LRTM1: variants seen among roughly 807,000 people sequenced by gnomAD.
The protein encoded by LRTM1 is leucine rich repeat transmembrane protein 1, also known as leucine-rich repeat and transmembrane domain-containing protein 1.
LRTM1 carries 38 observed loss-of-function variants against 32.4 expected under a neutral mutation model. The ratio of observed to expected loss-of-function variants is 1.17; its 90% CI spans 0.91 to 1.54. LRTM1 has a LOEUF of 1.54. LRTM1 is among the 40% of genes most tolerant of loss of function. LRTM1 has a pLI of 0.00. For synonymous variants in LRTM1, 186 were observed against 169.9 expected (o/e 1.09, Z -0.74); for missense variants, 466 against 415.4 (o/e 1.12, Z -1.06).
In LRTM1 at chr3:54,924,940, G is replaced by A. The variant is rs776384818; in HGVS notation, c.283C>T (p.His95Tyr). Reference sequence around the variant, plus strand: ...AAAACCTGCAAGTGCTGAAGCCCATGGAAAGCTCCAGGGGCCAGATTTGAA... The same window carrying A: ...AAAACCTGCAAGTGCTGAAGCCCATAGAAAGCTCCAGGGGCCAGATTTGAA... ...SLSNLAPGAF[H>Y]GLQHLQVLNL... The change falls in exon 2 of 3, where the codon CAT becomes TAT. Residue 95 changes from histidine to tyrosine, a missense_variant. Physicochemically the swap from His to Tyr is moderately conservative, Grantham distance 83. Coordinates refer to ENST00000273286, the MANE Select transcript of LRTM1 (RefSeq NM_020678.4). 2.5e-6 allele frequency: 4 copies of A among 1,612,066 alleles called. No individual in the cohort carries two copies. Among genetic ancestry groups the A allele is most frequent in the Non-Finnish European group, 2.5e-6 (3 of 1,178,196 alleles).
intron 1 of LRTM1, among the ~76,000 whole-genome samples, chr3:54,961,243 A>G (rs963897391): frequency 2.0e-5 from 3 of 152,200 alleles, no homozygotes; most frequent in Admixed American, 6.5e-5. Flanking sequence ...TGGAGGTGAG[A>G]CTGGATAAGA....
Position 54,918,317 on chromosome 3 carries a change from A to T in LRTM1, c.*142T>A. 1.3e-6 allele frequency: 1 copy of T among 744,926 alleles called. No individual in the cohort carries two copies. The highest frequency in any genetic ancestry group is 2.1e-6 in the Non-Finnish European group (1 of 479,898). The allele number at this position is 744,926 out of a possible 1,614,324, so 46.1% of individuals were successfully genotyped here. On this transcript the variant is annotated 3_prime_UTR_variant, in exon 3 of 3. Coordinates refer to ENST00000273286, the MANE Select transcript of LRTM1 (RefSeq NM_020678.4). ...CTCCCCAGAAATATTTTTTACAGAC[A>T]CATCTTTTTTTTTTCTTTTTTTTTT... is the stretch of plus-strand genomic sequence containing the variant.
At chr3:54,930,486 C>G (rs1479375894), upstream of LRTM1, among the ~76,000 whole-genome samples, 2 of 152,168 alleles carry the variant, frequency 1.3e-5, no homozygotes, top group Non-Finnish European at 2.9e-5. Flanking sequence ...GTCTATAAGG[C>G]CCAGCTGGGA....
intron 1 of LRTM1, 139 bp downstream of exon 1, chr3:54,927,766 A>G (rs1353862173): frequency 4.4e-6 from 4 of 919,138 alleles, no homozygotes; most frequent in African/African-American, 1.6e-5. Context: ...AAATCATTCC[A>G]TGCAGAGACA....
intron 1 of LRTM1, among the ~76,000 whole-genome samples, chr3:54,937,974 G>A (rs914102670): frequency 6.6e-6 from 1 of 152,228 alleles, no homozygotes; most frequent in Non-Finnish European, 1.5e-5. Flanking sequence ...CATAACCAGA[G>A]AAAAGCCCCT....
intron 1 of LRTM1, among the ~76,000 whole-genome samples, chr3:54,964,797 T>C (rs1166296907): frequency 6.6e-6 from 1 of 151,980 alleles, no homozygotes; most frequent in African/African-American, 2.4e-5. Flanking sequence ...TGCTTGTTTG[T>C]TGGGGGAGAG....
chr3:54,939,250 G>A (rs1317327366), intron 1 of LRTM1, among the ~76,000 whole-genome samples: 1 of 152,180 alleles, frequency 6.6e-6, no homozygotes, highest in South Asian at 2.1e-4. Flanking sequence ...CTCCAGGGTA[G>A]GAACTATTAT....
chr3:54,963,199 G>C (rs1702071240), intron 1 of LRTM1, among the ~76,000 whole-genome samples: 1 of 152,104 alleles, frequency 6.6e-6, no homozygotes, highest in South Asian at 2.1e-4. Flanking sequence ...GCAAGTCCAG[G>C]TTGTCTCACG....
chr3:54,943,240 T>C (rs1701522777), intron 1 of LRTM1, among the ~76,000 whole-genome samples: 1 of 151,954 alleles, frequency 6.6e-6, no homozygotes, highest in Non-Finnish European at 1.5e-5. Flanking sequence ...CAATGTTTTT[T>C]AAAAAAGAAA....
intron 1 of LRTM1, among the ~76,000 whole-genome samples, chr3:54,926,708 T>C (rs1271203184): frequency 6.6e-6 from 1 of 152,224 alleles, no homozygotes; most frequent in Non-Finnish European, 1.5e-5. Context: ...TATTCCATGG[T>C]GAGAGCATGC....
intron 1 of LRTM1, among the ~76,000 whole-genome samples, chr3:54,934,700 A>C (rs1480224137): frequency 6.6e-6 from 1 of 152,148 alleles, no homozygotes; most frequent in Non-Finnish European, 1.5e-5. Context: ...CCTGGTCTTC[A>C]AAGAGCTCAC....
chr3:54,933,790 A>G (rs927387415), intron 1 of LRTM1, among the ~76,000 whole-genome samples: 10 of 148,020 alleles, frequency 6.8e-5, no homozygotes, highest in Admixed American at 2.0e-4. Flanking sequence ...ACAAAGTCTC[A>G]CTCTGTCATC....
At chr3:54,963,846 T>G (rs1036151007) in intron 1 of LRTM1, among the ~76,000 whole-genome samples, 6 of 152,012 alleles carry the variant, frequency 3.9e-5, no homozygotes, top group Admixed American at 3.9e-4. Flanking sequence ...GAGAAAGGAA[T>G]GGAGGAAGGG....
Position 54,918,698 on chromosome 3 carries a change from C to A in LRTM1, c.799G>T (p.Glu267Ter), listed in dbSNP as rs754326677. 9 of 1,614,026 alleles carry A rather than the reference C, an allele frequency of 5.6e-6. No individual in the cohort carries two copies. The South Asian group carries it at 9.9e-5, about 18-fold the overall frequency. ...PPENHNAGERELLECELKPKP... is the reference protein window; with the variant it reads ...PPENHNAGER ...GGTTTGAGCTCGCACTCCAAGAGTTCTCGCTCCCCCGCGTTGTGGTTCTCA... is the reference window on the plus strand; with the variant it reads ...GGTTTGAGCTCGCACTCCAAGAGTTATCGCTCCCCCGCGTTGTGGTTCTCA... Residue 267 changes from glutamate (E) to a stop codon, truncating the protein, a stop_gained, in exon 3 of 3, where the codon GAA becomes TAA. Transcript: ENST00000273286. LOFTEE classifies it high-confidence loss of function.
chr3:54,927,896 A>T lies in LRTM1; in HGVS notation c.7+9T>A. On this transcript the variant is annotated intron_variant, in intron 1 of 2. Transcript: ENST00000273286. The stretch of plus-strand genomic sequence containing the variant: ...AGAACTTTTCCAACGGGAATTGATC[A>T]GGGCTCACCTTTCATGACTGAGTCT... 1 of 1,613,658 alleles carries T rather than the reference A, an allele frequency of 6.2e-7. No homozygotes were observed. The highest frequency in any genetic ancestry group is 8.5e-7 in the Non-Finnish European group (1 of 1,179,668).
intron 1 of LRTM1, among the ~76,000 whole-genome samples, chr3:54,956,383 T>G (rs1209849409): frequency 6.6e-6 from 1 of 152,228 alleles, no homozygotes; most frequent in Admixed American, 6.5e-5. Context: ...GGGGACAATT[T>G]TGCTGTGTCA....
At chr3:54,948,197 A>G (rs908499) in intron 1 of LRTM1, among the ~76,000 whole-genome samples, 102,404 of 152,000 alleles carry the variant, frequency 0.67, 34,911 homozygotes, top group East Asian at 0.85. Context: ...TCTTGACTAG[A>G]GAGTGAGATA....
At chr3:54,929,633 A>G (rs535794969), upstream of LRTM1, among the ~76,000 whole-genome samples, 6 of 152,184 alleles carry the variant, frequency 3.9e-5, no homozygotes, top group South Asian at 8.3e-4. Flanking sequence ...CTTCTCTCCA[A>G]CATTTTTTTG....
At chr3:54,963,261 TCTA>T (rs1406063119) in intron 1 of LRTM1, among the ~76,000 whole-genome samples, 2 of 152,170 alleles carry the variant, frequency 1.3e-5, no homozygotes, top group Admixed American at 6.5e-5. Flanking sequence ...TCTCATTTCT[TCTA>T]CCTCTGGGGA....
Sources: allele counts gnomAD v4.1 joint callset (sites outside exome capture counted in the v4.1 genomes callset), GRCh38; gene constraint gnomAD v4.1.1; transcripts MANE v1.5; gene names NCBI Gene and HGNC (gene_info 2026-07-23, HGNC 2026-07-21).